MIS18A: variants seen among roughly 807,000 people sequenced by gnomAD.
The protein encoded by MIS18A is protein Mis18-alpha.
A neutral mutation model predicts 25.0 loss-of-function variants in MIS18A; 14 were observed. That is an observed-to-expected ratio of 0.56 (90% CI 0.37 to 0.88). The LOEUF is 0.88. Among genes scored for constraint, MIS18A ranks in the 40% least tolerant of loss-of-function variants. The pLI is 0.00. For missense variants in MIS18A, 292 were observed against 290.8 expected (o/e 1.00, Z -0.03); for synonymous variants, 134 against 118.6 (o/e 1.13, Z -0.84).
At chr21:32,208,535 C>T in the MIS18A span, among the ~76,000 whole-genome samples, 1 of 152,214 alleles carries the variant, frequency 6.6e-6, no homozygotes, top group Non-Finnish European at 1.5e-5. Flanking sequence ...CACCATGCTT[C>T]CTATACAGCC....
the MIS18A span, among the ~76,000 whole-genome samples, chr21:32,195,340 G>A: frequency 1.3e-5 from 2 of 152,258 alleles, no homozygotes; most frequent in Admixed American, 1.3e-4. Flanking sequence ...GAAAATCCTC[G>A]ATTTCAGTTA....
At position 32,268,266 on chromosome 21, in the gene MIS18A, A is replaced by G. The variant is rs1290558663; in HGVS notation, c.*771T>C. ...TTATTCTCTTCAATTAGAAAAATAC[A>G]TACTACAAAAGTTTCACATTATAGA... On this transcript the variant is annotated 3_prime_UTR_variant, in exon 5 of 5. Coordinates refer to ENST00000290130, the MANE Select transcript of MIS18A (RefSeq NM_018944.3). The G allele has an allele frequency of 1.3e-5, 2 of 152,218 alleles. No homozygotes were observed. Among genetic ancestry groups the G allele is most frequent in the East Asian group, 1.9e-4 (1 of 5,204 alleles). 9.4% of individuals were successfully genotyped at this position (152,218 alleles called of 1,614,324 possible). A position where few individuals can be genotyped will look rare whatever the true frequency, so the allele number is the denominator to read the frequency against.
the MIS18A span, among the ~76,000 whole-genome samples, chr21:32,225,130 A>C: frequency 8.6e-5 from 6 of 69,562 alleles, no homozygotes; most frequent in Non-Finnish European, 1.3e-4. Flanking sequence ...AAATCAATTC[A>C]AGATGGATTA....
chr21:32,261,411 C>T, the MIS18A span: 2 of 152,198 alleles, frequency 1.3e-5, no homozygotes, highest in African/African-American at 4.8e-5. Context: ...GAGAGCAGTT[C>T]AGCGAGGTGC....
chr21:32,172,913 C>G, the MIS18A span, among the ~76,000 whole-genome samples: 1 of 152,012 alleles, frequency 6.6e-6, no homozygotes, highest in African/African-American at 2.4e-5. Flanking sequence ...ATAAAGACAA[C>G]AGAAGTTAGA....
the MIS18A span, among the ~76,000 whole-genome samples, chr21:32,231,342 T>G: frequency 7.9e-4 from 119 of 151,112 alleles, no homozygotes; most frequent in Middle Eastern, 3.4e-3. Context: ...TAAAATTCAA[T>G]AATAAAAAGA....
At chr21:32,165,330 A>G in the MIS18A span, among the ~76,000 whole-genome samples, 1 of 152,142 alleles carries the variant, frequency 6.6e-6, no homozygotes, top group Non-Finnish European at 1.5e-5. Flanking sequence ...TGAAGAACAT[A>G]GAAGCCCAAA....
chr21:32,278,376 T>C (rs2031857640), intron 1 of MIS18A: 1 of 404,634 alleles, frequency 2.5e-6, no homozygotes, highest in African/African-American at 2.1e-5. Flanking sequence ...TTTCTCTTTT[T>C]TTAGGGTCTT....
At chr21:32,193,720 CTT>C in the MIS18A span, among the ~76,000 whole-genome samples, 1 of 145,136 alleles carries the variant, frequency 6.9e-6, no homozygotes. Flanking sequence ...TAAACTATTT[CTT>C]TTTTTTTTTG....
At chr21:32,165,220 C>A in the MIS18A span, among the ~76,000 whole-genome samples, 2 of 152,086 alleles carry the variant, frequency 1.3e-5, no homozygotes, top group African/African-American at 4.8e-5. Flanking sequence ...GTAATCCCAG[C>A]TACTCGGGAG....
At chr21:32,154,929 C>T in the MIS18A span, among the ~76,000 whole-genome samples, 1 of 152,078 alleles carries the variant, frequency 6.6e-6, no homozygotes, top group African/African-American at 2.4e-5. Context: ...GGCAAAGTTG[C>T]AAGACTGACT....
downstream of MIS18A, among the ~76,000 whole-genome samples, chr21:32,267,594 A>G (rs919039764): frequency 3.9e-5 from 6 of 152,230 alleles, no homozygotes; most frequent in Non-Finnish European, 5.9e-5. Flanking sequence ...GGGGAGCCAA[A>G]TTGCCTATGG....
the MIS18A span, among the ~76,000 whole-genome samples, chr21:32,244,959 A>G: frequency 6.6e-6 from 1 of 152,240 alleles, no homozygotes; most frequent in African/African-American, 2.4e-5. Context: ...TATTCAGTAA[A>G]CACTTTAGGC....
intron 2 of MIS18A, among the ~76,000 whole-genome samples, chr21:32,271,959 C>A (rs1240265402): frequency 1.3e-5 from 2 of 152,194 alleles, no homozygotes; most frequent in African/African-American, 4.8e-5. Context: ...CCCAAATCCA[C>A]TGAGCCATGA....
chr21:32,268,826 T>C lies in MIS18A; in HGVS notation c.*211A>G, dbSNP rs1310290030. 5 of 387,634 alleles carry C rather than the reference T, an allele frequency of 1.3e-5. No homozygotes were observed. Among genetic ancestry groups the C allele is most frequent in the Non-Finnish European group, 2.4e-5 (5 of 211,268 alleles). The allele number at this position is 387,634 out of a possible 1,614,324, so 24.0% of individuals were successfully genotyped here. A position where few individuals can be genotyped will look rare whatever the true frequency, so the allele number is the denominator to read the frequency against. On this transcript the variant is annotated 3_prime_UTR_variant, in exon 5 of 5. Coordinates refer to ENST00000290130, the MANE Select transcript of MIS18A (RefSeq NM_018944.3). ...TTTTTGAGAGAAGGTCTCACTCTGT[T>C]GCCCAGACTAGAACACAGTAGTGGC...
chr21:32,205,097 C>CA, the MIS18A span, among the ~76,000 whole-genome samples: 3 of 66,184 alleles, frequency 4.5e-5, no homozygotes, highest in Non-Finnish European at 7.6e-5. Flanking sequence ...AGAACTTGTC[C>CA]TTTTTTTTTT....
At chr21:32,219,903 C>T in the MIS18A span, among the ~76,000 whole-genome samples, 1 of 152,214 alleles carries the variant, frequency 6.6e-6, no homozygotes, top group Non-Finnish European at 1.5e-5. Flanking sequence ...GGCAAAACCA[C>T]TGTAGCCAGA....
At chr21:32,207,309 G>T in the MIS18A span, among the ~76,000 whole-genome samples, 1 of 152,208 alleles carries the variant, frequency 6.6e-6, no homozygotes, top group South Asian at 2.1e-4. Context: ...GCTCAGGGTT[G>T]AAAGTCCTGA....
the MIS18A span, among the ~76,000 whole-genome samples, chr21:32,156,723 G>A: frequency 6.6e-6 from 1 of 152,126 alleles, no homozygotes; most frequent in Admixed American, 6.5e-5. Flanking sequence ...GTTTCCAGCG[G>A]GGGGTTGCAT....
Sources: allele counts gnomAD v4.1 joint callset (sites outside exome capture counted in the v4.1 genomes callset), GRCh38; gene constraint gnomAD v4.1.1; transcripts MANE v1.5; gene names NCBI Gene and HGNC (gene_info 2026-07-23, HGNC 2026-07-21).